ZMIZ1: variants seen among roughly 807,000 people sequenced by gnomAD.
ZMIZ1 encodes the protein zinc finger MIZ-type containing 1.
ZMIZ1 carries 17 observed loss-of-function variants against 113.9 expected under a neutral mutation model. The observed-to-expected ratio is 0.15, with a 90% CI of 0.10 to 0.22. The LOEUF is 0.22. Among genes scored for constraint, ZMIZ1 ranks in the 10% least tolerant of loss-of-function variants. The pLI is 1.00. For synonymous variants in ZMIZ1, 607 were observed against 603.1 expected (o/e 1.01, Z -0.09); for missense variants, 1,059 against 1,477.8 (o/e 0.72, Z 4.65).
At chr10:79,199,666 A>G (rs535858925) in intron 4 of ZMIZ1, among the ~76,000 whole-genome samples, 1 of 151,996 alleles carries the variant, frequency 6.6e-6, no homozygotes, top group Non-Finnish European at 1.5e-5. Context: ...ATTTGCTTCT[A>G]GATGAGACTC....
At chr10:79,124,266 G>A (rs1017298797) in intron 2 of ZMIZ1, among the ~76,000 whole-genome samples, 1 of 152,200 alleles carries the variant, frequency 6.6e-6, no homozygotes, top group Non-Finnish European at 1.5e-5. Flanking sequence ...GGTAGGTCAG[G>A]GATTACAAAC....
intron 2 of ZMIZ1, among the ~76,000 whole-genome samples, chr10:79,120,028 C>T (rs1398608589): frequency 1.3e-5 from 2 of 148,748 alleles, no homozygotes; most frequent in African/African-American, 2.5e-5. Flanking sequence ...ATAACAGTGG[C>T]GTGGAGAGGG....
intron 1 of ZMIZ1, among the ~76,000 whole-genome samples, chr10:79,084,868 G>A (rs1462832942): frequency 2.0e-5 from 3 of 151,980 alleles, no homozygotes; most frequent in Non-Finnish European, 2.9e-5. Flanking sequence ...CAGGGTGGTG[G>A]GGTGGGGGTG....
chr10:79,227,814 T>G (rs1242161088), intron 7 of ZMIZ1, among the ~76,000 whole-genome samples: 1 of 152,144 alleles, frequency 6.6e-6, no homozygotes, highest in Non-Finnish European at 1.5e-5. Flanking sequence ...CCCTGTTAAC[T>G]AAGGTGGGGT....
intron 7 of ZMIZ1, among the ~76,000 whole-genome samples, chr10:79,243,295 C>T (rs991083961): frequency 8.6e-5 from 13 of 150,442 alleles, no homozygotes; most frequent in Admixed American, 4.6e-4. Flanking sequence ...CCGGCCCATC[C>T]CCGTCCCTGG....
intron 5 of ZMIZ1, among the ~76,000 whole-genome samples, chr10:79,202,189 G>GA (rs58021590): frequency 0.01 from 538 of 52,612 alleles, 17 homozygotes; most frequent in African/African-American, 0.015. Context: ...CCCTGTCTCA[G>GA]AAAAAAAAAA....
chr10:79,096,046 C>A (rs1338764385), intron 1 of ZMIZ1, among the ~76,000 whole-genome samples: 1 of 152,130 alleles, frequency 6.6e-6, no homozygotes, highest in African/African-American at 2.4e-5. Flanking sequence ...GCTTCAGTTG[C>A]GGGGCTGGGA....
chr10:79,305,771 G>A (rs994794711), intron 21 of ZMIZ1, among the ~76,000 whole-genome samples, 170 bp downstream of exon 21: 3 of 152,064 alleles, frequency 2.0e-5, no homozygotes, highest in African/African-American at 7.2e-5. Context: ...TGGATCTGGG[G>A]ACAAATGAAC....
At chr10:79,081,452 C>A (rs1368694913) in intron 1 of ZMIZ1, among the ~76,000 whole-genome samples, 1 of 152,148 alleles carries the variant, frequency 6.6e-6, no homozygotes, top group Non-Finnish European at 1.5e-5. Flanking sequence ...CTCACTGGGG[C>A]CCTAGGGGAA....
chr10:79,123,185 C>T (rs1369298441), intron 2 of ZMIZ1, among the ~76,000 whole-genome samples: 1 of 152,198 alleles, frequency 6.6e-6, no homozygotes, highest in East Asian at 1.9e-4. Context: ...CAAACTGTTC[C>T]ATATGGCTGG....
At chr10:79,204,056 A>G (rs1004518822) in intron 5 of ZMIZ1, among the ~76,000 whole-genome samples, 37 of 152,320 alleles carry the variant, frequency 2.4e-4, no homozygotes, top group African/African-American at 8.7e-4. Context: ...TGTCTGCTCC[A>G]CAGCTGCCCT....
intron 9 of ZMIZ1, among the ~76,000 whole-genome samples, chr10:79,290,306 T>G (rs1264868594): frequency 1.3e-5 from 2 of 152,186 alleles, no homozygotes; most frequent in Admixed American, 6.5e-5. Flanking sequence ...TACTCCCCAT[T>G]GCCCTAGTCA....
chr10:79,287,852 C>G (rs1853184749), intron 8 of ZMIZ1, among the ~76,000 whole-genome samples: 1 of 152,202 alleles, frequency 6.6e-6, no homozygotes, highest in African/African-American at 2.4e-5. Flanking sequence ...GCACAAAAGT[C>G]TCTGCCGTCA....
chr10:79,151,732 A>G (rs114812013), intron 3 of ZMIZ1, among the ~76,000 whole-genome samples: 1,674 of 152,326 alleles, frequency 0.011, 28 homozygotes, highest in African/African-American at 0.038. Context: ...TTTGCCACTC[A>G]GGCCCGGGTG....
At chr10:79,259,454 C>T (rs1165021210) in intron 7 of ZMIZ1, among the ~76,000 whole-genome samples, 3 of 152,164 alleles carry the variant, frequency 2.0e-5, no homozygotes, top group African/African-American at 7.2e-5. Flanking sequence ...CTGTTCCATG[C>T]AGACTCACCC....
intron 4 of ZMIZ1, among the ~76,000 whole-genome samples, chr10:79,197,537 T>C (rs974355636): frequency 1.2e-4 from 18 of 150,464 alleles, no homozygotes; most frequent in African/African-American, 4.4e-4. Context: ...CCCGCTTGGG[T>C]GACCTACAGA....
intron 2 of ZMIZ1, among the ~76,000 whole-genome samples, chr10:79,125,588 G>A (rs1340489680): frequency 1.3e-5 from 2 of 152,196 alleles, no homozygotes; most frequent in Admixed American, 6.5e-5. Context: ...TGGTTCATGA[G>A]CCACACACCC....
intron 7 of ZMIZ1, among the ~76,000 whole-genome samples, chr10:79,253,045 T>C (rs1037643447): frequency 2.6e-5 from 4 of 152,168 alleles, no homozygotes; most frequent in African/African-American, 9.7e-5. Context: ...CCCTCCCCTC[T>C]GGGAGCTTAA....
rs760508444 is a variant in ZMIZ1, at chr10:79,300,817, G to A, written c.1894G>A (p.Val632Met). 16 of 1,613,802 alleles carry A rather than the reference G, an allele frequency of 9.9e-6. No homozygotes were observed. Among genetic ancestry groups the A allele is most frequent in the East Asian group, 2.2e-5 (1 of 44,888 alleles). Residue 632 changes from valine to methionine, a missense_variant, in exon 17 of 25, where the codon GTG (valine) becomes ATG (methionine). Transcript: ENST00000334512. ...CTGGCCCGCCTCGGTGCAGGTCAGC[G>A]TGAACGCCACGCCCCTCACCATTGA... ...TNWPASVQVS[V>M]NATPLTIERG... is the part of the protein sequence containing the mutation.
Sources: gnomAD v4.1 joint callset for allele counts (sites outside exome capture counted in the v4.1 genomes callset) on GRCh38, gnomAD v4.1.1 for gene constraint, MANE v1.5 for transcripts, NCBI Gene and HGNC (gene_info 2026-07-23, HGNC 2026-07-21) for gene names.